The following AFF3 variants were observed in gnomAD, a reference collection of about 807,000 sequenced individuals.
AFF3 encodes AF4/FMR2 family member 3.
A neutral mutation model predicts 129.7 loss-of-function variants in AFF3; 32 were observed. The observed-to-expected ratio is 0.25, with a 90% CI of 0.19 to 0.33. The LOEUF (loss-of-function observed/expected upper bound fraction) is 0.33. Among genes scored for constraint, AFF3 ranks in the 10% least tolerant of loss-of-function variants. AFF3 has a pLI of 1.00. For synonymous variants in AFF3, 644 were observed against 635.4 expected (o/e 1.01, Z -0.20); for missense variants, 1,373 against 1,592.0 (o/e 0.86, Z 2.34).
chr2:100,041,909 T>C (rs909609269), intron 4 of AFF3, among the ~76,000 whole-genome samples: 3 of 152,194 alleles, frequency 2.0e-5, no homozygotes, highest in Non-Finnish European at 4.4e-5. Context: ...ATGGTATTTA[T>C]TGAATAAACC....
At chr2:99,723,999 G>A (rs1462980294) in intron 11 of AFF3, among the ~76,000 whole-genome samples, 9 of 152,124 alleles carry the variant, frequency 5.9e-5, no homozygotes. Context: ...AACCAACCCT[G>A]CTGACACCCT....
intron 7 of AFF3, among the ~76,000 whole-genome samples, chr2:100,001,790 T>C (rs571854503): frequency 7.9e-5 from 12 of 152,218 alleles, no homozygotes; most frequent in Non-Finnish European, 1.3e-4. Context: ...TATGGAAATA[T>C]TTCCACTTGC....
chr2:99,873,536 T>C (rs994362481), intron 7 of AFF3, among the ~76,000 whole-genome samples: 2 of 152,192 alleles, frequency 1.3e-5, no homozygotes, highest in Non-Finnish European at 2.9e-5. Context: ...AGTATTCTCA[T>C]CTGTAAAATG....
At chr2:100,061,935 G>A (rs576455336) in intron 4 of AFF3, among the ~76,000 whole-genome samples, 10 of 151,260 alleles carry the variant, frequency 6.6e-5, no homozygotes, top group South Asian at 2.1e-4. Context: ...TATAATTTCC[G>A]TAGAATTTTG....
chr2:100,065,430 T>C (rs1573316759), intron 4 of AFF3, among the ~76,000 whole-genome samples: 1 of 152,298 alleles, frequency 6.6e-6, no homozygotes, highest in East Asian at 1.9e-4. Flanking sequence ...AAGTACGATA[T>C]GCATATTTAT....
At chr2:99,749,066 A>G (rs1391009835) in intron 9 of AFF3, among the ~76,000 whole-genome samples, 1 of 152,188 alleles carries the variant, frequency 6.6e-6, no homozygotes, top group East Asian at 1.9e-4. Flanking sequence ...ATAATATATG[A>G]TGTATCAGAA....
At chr2:99,726,938 G>A in intron 11 of AFF3, 139 bp downstream of exon 11, 2 of 780,856 alleles carry the variant, frequency 2.6e-6, no homozygotes, top group Non-Finnish European at 3.9e-6. Flanking sequence ...AAAGCATTTA[G>A]AAAGACATTA....
rs1433051633 is a variant in AFF3, at chr2:99,572,218, GCTCT to G, written c.2919-3307_2919-3304del. Among the ~76,000 whole-genome samples the G allele has an allele frequency of 6.7e-5, 10 of 150,198 alleles. No homozygotes were observed. The South Asian group carries it at 1.3e-3, about 19-fold the overall frequency. The stretch of plus-strand genomic sequence containing the variant: ...AGCTGCATGCATCTTCATTATGAGA[GCTCT>G]CTCCAACAAAAGCATTCTGAGCACT... On this transcript the variant is annotated intron_variant, in intron 18 of 24. Transcript: ENST00000672756.
At chr2:99,813,384 A>G (rs1686947739) in intron 8 of AFF3, among the ~76,000 whole-genome samples, 1 of 152,222 alleles carries the variant, frequency 6.6e-6, no homozygotes, top group Non-Finnish European at 1.5e-5. Flanking sequence ...TTTAAGTAGT[A>G]GTACTGGGAA....
chr2:100,124,224 T>G (rs1013481106), intron 2 of AFF3, among the ~76,000 whole-genome samples: 2 of 151,736 alleles, frequency 1.3e-5, no homozygotes, highest in Non-Finnish European at 2.9e-5. Context: ...AAGGCTGGAG[T>G]TGAAAAAAAT....
At chr2:99,779,101 A>G (rs1684190043) in intron 8 of AFF3, among the ~76,000 whole-genome samples, 1 of 152,282 alleles carries the variant, frequency 6.6e-6, no homozygotes, top group Non-Finnish European at 1.5e-5. Context: ...ACCCTTGTCT[A>G]GCTCCCGATC....
rs545045875 is a variant in AFF3, at chr2:99,898,637, C to T, written c.874-61113G>A. On this transcript the variant is annotated intron_variant, in intron 7 of 24. Coordinates refer to ENST00000672756, the MANE Select transcript of AFF3 (RefSeq NM_001386135.1). Reference sequence around the variant, plus strand: ...AGTCCTGCACTTGCTCACGTTGACACTGGGGGCTGCCATGGGTCGCCTCTG... The same window carrying T: ...AGTCCTGCACTTGCTCACGTTGACATTGGGGGCTGCCATGGGTCGCCTCTG... 6.6e-5 allele frequency among the ~76,000 whole-genome samples: 10 copies of T among 152,354 alleles called. No homozygotes were observed. The East Asian group carries it at 9.6e-4, about 15-fold the overall frequency.
intron 4 of AFF3, among the ~76,000 whole-genome samples, chr2:100,085,989 T>C (rs1216965991): frequency 1.3e-5 from 2 of 152,128 alleles, no homozygotes; most frequent in Non-Finnish European, 2.9e-5. Context: ...TGGCAGATCT[T>C]GTGCAGACAC....
At chr2:100,116,872 G>A (rs1691755787) in intron 2 of AFF3, among the ~76,000 whole-genome samples, 1 of 151,908 alleles carries the variant, frequency 6.6e-6, no homozygotes, top group Non-Finnish European at 1.5e-5. Context: ...TTTAGTAAGG[G>A]AACATCAATT....
chr2:100,016,523 G>A (rs575516964), intron 4 of AFF3, among the ~76,000 whole-genome samples: 13 of 151,318 alleles, frequency 8.6e-5, no homozygotes, highest in South Asian at 8.4e-4. Context: ...TGGTGGTGGC[G>A]GTAGTGGTGG....
At chr2:100,120,067 T>C (rs951659648) in intron 2 of AFF3, among the ~76,000 whole-genome samples, 1 of 152,230 alleles carries the variant, frequency 6.6e-6, no homozygotes, top group Non-Finnish European at 1.5e-5. Flanking sequence ...GGATATCATC[T>C]AGTCACATTA....
chr2:99,731,476 C>T (rs1679826374), intron 10 of AFF3, among the ~76,000 whole-genome samples: 1 of 152,042 alleles, frequency 6.6e-6, no homozygotes, highest in Non-Finnish European at 1.5e-5. Context: ...TTCTTTCATA[C>T]CATGTAAAAT....
chr2:99,892,972 G>C (rs936235862), intron 7 of AFF3, among the ~76,000 whole-genome samples: 2 of 152,106 alleles, frequency 1.3e-5, no homozygotes, highest in East Asian at 1.9e-4. Flanking sequence ...TGTGGACTTG[G>C]GGGGTGACCA....
Position 100,055,881 on chromosome 2 carries a change from A to T in AFF3, c.54-46949T>A, listed in dbSNP as rs919483580. 2.0e-5 allele frequency among the ~76,000 whole-genome samples: 3 copies of T among 152,236 alleles called. No homozygotes were observed. In the East Asian group the frequency reaches 5.8e-4, roughly 29 times the overall value. On this transcript the variant is annotated intron_variant, in intron 4 of 24. Transcript: ENST00000672756. ...AATCTGTTCATCACCCAGTTTTAAA[A>T]TAGTTGTGGGCCCAGCACAGTGGCT...
Sources: allele counts gnomAD v4.1 joint callset (sites outside exome capture counted in the v4.1 genomes callset), GRCh38; gene constraint gnomAD v4.1.1; transcripts MANE v1.5; gene names NCBI Gene and HGNC (gene_info 2026-07-23, HGNC 2026-07-21).